SPAG16: variants seen among roughly 807,000 people sequenced by gnomAD.
SPAG16 encodes the protein sperm associated antigen 16.
SPAG16 carries 86 observed loss-of-function variants against 80.4 expected under a neutral mutation model. The ratio of observed to expected loss-of-function variants is 1.07; its 90% CI spans 0.90 to 1.28. SPAG16 has a LOEUF of 1.28. SPAG16 is among the 50% of genes most tolerant of loss of function. The probability of loss-of-function intolerance (pLI) is 0.00; values close to 1 mark genes in which losing one functional copy is unlikely to be tolerated. For missense variants in SPAG16, 870 were observed against 765.3 expected, an observed-to-expected ratio of 1.14 and a Z score of -1.61; for synonymous variants, 294 against 265.9, an observed-to-expected ratio of 1.11 and a Z score of -1.03.
At chr2:213,868,252 T>A (rs972547502) in intron 11 of SPAG16, among the ~76,000 whole-genome samples, 7 of 28,802 alleles carry the variant, frequency 2.4e-4, no homozygotes, top group African/African-American at 4.1e-4. Flanking sequence ...AATGAGAATT[T>A]TTTTTTTATT....
rs76533912 is a variant in SPAG16, at chr2:214,029,780, C to A, written c.1527+15703C>A. Among the ~76,000 whole-genome samples the A allele has an allele frequency of 9.2e-3, 1,393 of 152,140 alleles. 23 individuals are homozygous for A. The highest frequency in any genetic ancestry group is 0.032 in the African/African-American group (1,316 of 41,516). On this transcript the variant is annotated intron_variant, in intron 13 of 15. Transcript: ENST00000331683. The stretch of plus-strand genomic sequence containing the variant: ...ACTCACAAAACAAAAATAAATAAAA[C>A]GTATGAAATTTAATACATTTTGCTC...
chr2:214,407,809 TAGAA>T (rs148610130), intron 15 of SPAG16, among the ~76,000 whole-genome samples: 6,313 of 152,208 alleles, frequency 0.041, 241 homozygotes, highest in Non-Finnish European at 0.057. Flanking sequence ...TTTTCTAACT[TAGAA>T]AGAGGTTAGC....
chr2:214,048,559 G>T (rs752822778), intron 13 of SPAG16, among the ~76,000 whole-genome samples: 24 of 151,848 alleles, frequency 1.6e-4, no homozygotes, highest in Non-Finnish European at 3.2e-4. Flanking sequence ...GACTAGGAAG[G>T]GGGTAGTAGA....
chr2:214,157,346 T>C (rs1321690113), intron 15 of SPAG16, among the ~76,000 whole-genome samples: 1 of 152,174 alleles, frequency 6.6e-6, no homozygotes, highest in East Asian at 1.9e-4. Flanking sequence ...CATTAAAATG[T>C]AATTTTAATG....
chr2:213,918,086 T>C (rs1227834232), intron 11 of SPAG16, among the ~76,000 whole-genome samples: 1 of 152,224 alleles, frequency 6.6e-6, no homozygotes, highest in East Asian at 1.9e-4. Flanking sequence ...GATTTGTGTA[T>C]GTTCAACCGA....
At chr2:213,815,740 T>A (rs2072490554) in intron 10 of SPAG16, among the ~76,000 whole-genome samples, 1 of 152,098 alleles carries the variant, frequency 6.6e-6, no homozygotes, top group African/African-American at 2.4e-5. Context: ...ACAAATGAAA[T>A]GTTTTTTAAA....
chr2:214,164,301 CAAGTT>C (rs1397247686), intron 15 of SPAG16, among the ~76,000 whole-genome samples: 4 of 152,086 alleles, frequency 2.6e-5, no homozygotes, highest in Non-Finnish European at 4.4e-5. Context: ...AAAATTAAGA[CAAGTT>C]AAGAGAACAA....
intron 13 of SPAG16, among the ~76,000 whole-genome samples, chr2:214,069,009 A>G (rs947703887): frequency 1.3e-5 from 2 of 152,186 alleles, no homozygotes; most frequent in African/African-American, 4.8e-5. Context: ...AAAAGAAATC[A>G]TAAAGCCTGT....
intron 15 of SPAG16, chr2:214,280,930 G>C: frequency 4.6e-6 from 2 of 437,240 alleles, no homozygotes; most frequent in South Asian, 4.0e-5. Context: ...CTGATAATGT[G>C]CTTCCAGTGT....
chr2:213,513,907 C>T (rs915261719), intron 10 of SPAG16, among the ~76,000 whole-genome samples: 4 of 152,170 alleles, frequency 2.6e-5, no homozygotes, highest in African/African-American at 7.2e-5. Flanking sequence ...GAAAACTTCT[C>T]TCTCAATCAT....
chr2:214,311,425 C>T (rs569240436), intron 15 of SPAG16, among the ~76,000 whole-genome samples: 4 of 152,286 alleles, frequency 2.6e-5, no homozygotes, highest in African/African-American at 9.6e-5. Flanking sequence ...CTGCCTCGTG[C>T]TGTGCCTGCT....
intron 10 of SPAG16, among the ~76,000 whole-genome samples, chr2:213,692,642 C>T (rs1027738888): frequency 6.6e-6 from 1 of 151,950 alleles, no homozygotes; most frequent in Non-Finnish European, 1.5e-5. Context: ...AACCCCGACT[C>T]TACTAAAAAT....
At chr2:214,251,888 G>A (rs149682877) in intron 15 of SPAG16, among the ~76,000 whole-genome samples, 86 of 152,184 alleles carry the variant, frequency 5.7e-4, no homozygotes, top group African/African-American at 1.9e-3. Flanking sequence ...AATGTTAGAC[G>A]TAAAACACTG....
chr2:213,814,615 C>A (rs2072396914), intron 10 of SPAG16, among the ~76,000 whole-genome samples: 2 of 152,060 alleles, frequency 1.3e-5, no homozygotes, highest in Admixed American at 1.3e-4. Flanking sequence ...CATAGTAAAA[C>A]CCTGCCTCTA....
intron 9 of SPAG16, among the ~76,000 whole-genome samples, chr2:213,407,062 T>C (rs1447678303): frequency 6.6e-6 from 1 of 151,220 alleles, no homozygotes; most frequent in East Asian, 1.9e-4. Context: ...GCGGGTAGAG[T>C]ACCTTGGTGG....
At chr2:214,070,996 G>A (rs776383590) in intron 13 of SPAG16, among the ~76,000 whole-genome samples, 7 of 152,042 alleles carry the variant, frequency 4.6e-5, no homozygotes, top group South Asian at 2.1e-4. Flanking sequence ...TGCCCTACCC[G>A]GAAACTGTAC....
At chr2:213,366,837 T>C (rs2066321988) in intron 8 of SPAG16, among the ~76,000 whole-genome samples, 1 of 152,116 alleles carries the variant, frequency 6.6e-6, no homozygotes, top group South Asian at 2.1e-4. Context: ...GTGCACAACA[T>C]ACAGGTTTGT....
intron 6 of SPAG16, among the ~76,000 whole-genome samples, chr2:213,340,953 A>G (rs2064655415): frequency 6.6e-6 from 1 of 152,206 alleles, no homozygotes; most frequent in Non-Finnish European, 1.5e-5. Flanking sequence ...GTACTGTCCA[A>G]TACAATAGCC....
At chr2:214,341,538 A>G (rs967490221) in intron 15 of SPAG16, among the ~76,000 whole-genome samples, 1 of 152,204 alleles carries the variant, frequency 6.6e-6, no homozygotes, top group Non-Finnish European at 1.5e-5. Context: ...TGAGATTTCA[A>G]AAAAATGACT....
Sources: allele counts gnomAD v4.1 joint callset (sites outside exome capture counted in the v4.1 genomes callset), GRCh38; gene constraint gnomAD v4.1.1; transcripts MANE v1.5; gene names NCBI Gene and HGNC (gene_info 2026-07-23, HGNC 2026-07-21).